COMMD10: variants seen among roughly 807,000 people sequenced by gnomAD.
The protein encoded by COMMD10 is COMM domain containing 10.
Under a neutral mutation model 28.9 loss-of-function variants are expected in COMMD10, and 33 were observed. The ratio of observed to expected loss-of-function variants is 1.14; its 90% CI spans 0.87 to 1.53. The LOEUF is 1.53. Ranked by LOEUF, COMMD10 falls within the 40% of genes most tolerant of loss-of-function variation. The pLI is 0.00. For missense variants in COMMD10, 310 were observed against 233.4 expected (o/e 1.33, Z -2.14); for synonymous variants, 110 against 81.7 (o/e 1.35, Z -1.87).
chr5:116,134,934 A>T (rs887683956), intron 5 of COMMD10, among the ~76,000 whole-genome samples: 1 of 151,084 alleles, frequency 6.6e-6, no homozygotes, highest in Non-Finnish European at 1.5e-5. Flanking sequence ...AATTTTTTTT[A>T]TACCACAGGA....
intron 4 of COMMD10, among the ~76,000 whole-genome samples, chr5:116,099,601 C>A (rs1325397253): frequency 6.6e-6 from 1 of 152,208 alleles, no homozygotes; most frequent in African/African-American, 2.4e-5. Flanking sequence ...GTCTTCCTAA[C>A]ACTTGCTGTC....
chr5:116,273,765 T>G lies in COMMD10; in HGVS notation c.511-17752T>G, dbSNP rs186538945. 5.9e-3 allele frequency among the ~76,000 whole-genome samples: 889 copies of G among 151,802 alleles called. 26 individuals carry two copies. Among genetic ancestry groups the G allele is most frequent in the African/African-American group, 0.02 (822 of 41,220 alleles). On this transcript the variant is annotated intron_variant, in intron 5 of 6. Transcript: ENST00000274458. ...TTCTGTTTGTAGATGAACTGGAGTT[T>G]TGAAACTGACACTCAAATTTTTTAT...
At chr5:116,131,350 C>T (rs757092263) in intron 4 of COMMD10, among the ~76,000 whole-genome samples, 5 of 151,578 alleles carry the variant, frequency 3.3e-5, no homozygotes, top group Non-Finnish European at 7.4e-5. Context: ...CTTTGGCCTG[C>T]AGATAATATT....
chr5:116,239,729 A>G (rs748269422), intron 5 of COMMD10, among the ~76,000 whole-genome samples: 76 of 152,218 alleles, frequency 5.0e-4, no homozygotes, highest in Non-Finnish European at 7.1e-4. Flanking sequence ...AAGGTGATTT[A>G]TGATTACCTT....
chr5:116,215,221 A>G (rs1032864283), intron 5 of COMMD10, among the ~76,000 whole-genome samples: 2 of 152,062 alleles, frequency 1.3e-5, no homozygotes, highest in South Asian at 2.1e-4. Context: ...TTTGGGTGTT[A>G]TGGAATATAA....
intron 4 of COMMD10, among the ~76,000 whole-genome samples, chr5:116,121,885 C>T (rs998744657): frequency 2.0e-5 from 3 of 152,000 alleles, no homozygotes; most frequent in Non-Finnish European, 2.9e-5. Flanking sequence ...GATGCTAGCC[C>T]GTTTTCAGAT....
intron 5 of COMMD10, among the ~76,000 whole-genome samples, chr5:116,220,292 A>G (rs1397651933): frequency 2.6e-5 from 4 of 152,228 alleles, no homozygotes; most frequent in Admixed American, 2.6e-4. Context: ...CATGTTCTTC[A>G]GGAGTGAAGA....
chr5:116,183,298 A>G (rs972089944), intron 5 of COMMD10, among the ~76,000 whole-genome samples: 1 of 152,136 alleles, frequency 6.6e-6, no homozygotes, highest in Non-Finnish European at 1.5e-5. Context: ...AAATGTTTCT[A>G]GAAGACCTAA....
intron 5 of COMMD10, among the ~76,000 whole-genome samples, chr5:116,221,878 CAGGT>C (rs1387069185): frequency 6.6e-6 from 1 of 151,930 alleles, no homozygotes; most frequent in African/African-American, 2.4e-5. Context: ...ATAACATAGA[CAGGT>C]AGATAGGAAG....
chr5:116,089,310 A>G (rs1373940635), intron 2 of COMMD10, among the ~76,000 whole-genome samples: 2 of 152,192 alleles, frequency 1.3e-5, no homozygotes, highest in Non-Finnish European at 2.9e-5. Context: ...TTCCCAAGGT[A>G]ACACAGCTAG....
intron 4 of COMMD10, among the ~76,000 whole-genome samples, chr5:116,110,657 AAAG>A (rs1162816836): frequency 1.3e-5 from 2 of 152,232 alleles, no homozygotes; most frequent in Non-Finnish European, 2.9e-5. Context: ...CTTATAAAGA[AAAG>A]AGGTTTAATT....
chr5:116,186,072 C>T (rs1748126288), intron 5 of COMMD10, among the ~76,000 whole-genome samples: 1 of 152,060 alleles, frequency 6.6e-6, no homozygotes, highest in African/African-American at 2.4e-5. Flanking sequence ...TTCTTTCCTC[C>T]ATCTTCATTA....
At position 116,181,403 on chromosome 5, in the gene COMMD10, T is replaced by TA. The variant is rs552997849; in HGVS notation, c.510+47226dup. ...CTTCTGAAGTTGTGTGAAATAGTGATACAATACAAATTAAAGCTGAGCTGG... is the reference window on the plus strand; with the variant it reads ...CTTCTGAAGTTGTGTGAAATAGTGATAACAATACAAATTAAAGCTGAGCTGG... On this transcript the variant is annotated intron_variant, in intron 5 of 6. Coordinates refer to ENST00000274458, the MANE Select transcript of COMMD10 (RefSeq NM_016144.4). Among the ~76,000 whole-genome samples, 627 of 150,732 alleles carry TA rather than the reference T, an allele frequency of 4.2e-3. 6 individuals are homozygous for TA. The highest frequency in any genetic ancestry group is 0.014 in the African/African-American group (572 of 40,926).
At chr5:116,175,517 G>A (rs1277305290) in intron 5 of COMMD10, among the ~76,000 whole-genome samples, 2 of 152,098 alleles carry the variant, frequency 1.3e-5, no homozygotes, top group Non-Finnish European at 1.5e-5. Flanking sequence ...ACCTAGCATT[G>A]CTACTTCTGA....
In COMMD10 at chr5:116,121,640, T is replaced by C. The variant is rs181237791; in HGVS notation, c.400-12428T>C. Among the ~76,000 whole-genome samples, 233 of 152,240 alleles carry C rather than the reference T, an allele frequency of 1.5e-3. 1 individual carries two copies. Among genetic ancestry groups the C allele is most frequent in the African/African-American group, 5.5e-3 (228 of 41,548 alleles). On this transcript the variant is annotated intron_variant, in intron 4 of 6. Coordinates refer to ENST00000274458, the MANE Select transcript of COMMD10 (RefSeq NM_016144.4). ...CTATTTCTCCACATCCTCTTCAGCA[T>C]CTGTTGTTTCCTGACTTTTTAATGA...
intron 5 of COMMD10, among the ~76,000 whole-genome samples, chr5:116,248,715 G>C (rs1750027861): frequency 6.6e-6 from 1 of 151,768 alleles, no homozygotes; most frequent in African/African-American, 2.4e-5. Context: ...AAATACTCTT[G>C]TTTTCCTTTT....
intron 5 of COMMD10, among the ~76,000 whole-genome samples, chr5:116,270,376 T>C (rs1303418046): frequency 6.6e-6 from 1 of 151,932 alleles, no homozygotes; most frequent in African/African-American, 2.4e-5. Flanking sequence ...TAGAAAGCTT[T>C]AACTTCTAGG....
At chr5:116,187,073 T>C (rs938933933) in intron 5 of COMMD10, among the ~76,000 whole-genome samples, 1 of 152,002 alleles carries the variant, frequency 6.6e-6, no homozygotes, top group African/African-American at 2.4e-5. Flanking sequence ...AAGTAAAAAA[T>C]AATAATAAAC....
At chr5:116,085,509 A>G in intron 1 of COMMD10, 1 of 199,124 alleles carries the variant, frequency 5.0e-6, no homozygotes, top group Non-Finnish European at 1.0e-5. Flanking sequence ...CTGCTGCTGG[A>G]GGGTCTTTAA....
Sources: allele counts gnomAD v4.1 joint callset (sites outside exome capture counted in the v4.1 genomes callset), GRCh38; gene constraint gnomAD v4.1.1; transcripts MANE v1.5; gene names NCBI Gene and HGNC (gene_info 2026-07-23, HGNC 2026-07-21).